C1orf105: variants seen among roughly 807,000 people sequenced by gnomAD.
C1orf105 encodes the protein chromosome 1 open reading frame 105, also known as uncharacterized protein C1orf105.
Under a neutral mutation model 20.8 loss-of-function variants are expected in C1orf105, and 17 were observed. That is an observed-to-expected ratio of 0.82 (90% CI 0.56 to 1.23). The LOEUF is 1.23. C1orf105 is among the 50% of genes most tolerant of loss of function. The pLI, the probability that C1orf105 is intolerant of heterozygous loss-of-function variation, is 0.00. For missense variants in C1orf105, 219 were observed against 213.5 expected (o/e 1.03, Z -0.16); for synonymous variants, 72 against 72.1 (o/e 1.00, Z 0.01).
At chr1:172,433,830 C>T (rs1366830102) in intron 1 of C1orf105, among the ~76,000 whole-genome samples, 1 of 152,106 alleles carries the variant, frequency 6.6e-6, no homozygotes, top group Non-Finnish European at 1.5e-5. Flanking sequence ...AGAGTCAAGA[C>T]CCATCAGTGT....
intron 4 of C1orf105, among the ~76,000 whole-genome samples, chr1:172,456,813 G>A (rs539769726): frequency 6.6e-6 from 1 of 152,214 alleles, no homozygotes; most frequent in East Asian, 1.9e-4. Flanking sequence ...CCTCCTTAAT[G>A]TAGCCCCCAC....
intron 1 of C1orf105, among the ~76,000 whole-genome samples, chr1:172,436,164 C>T (rs1471563843): frequency 2.6e-5 from 4 of 152,152 alleles, no homozygotes; most frequent in African/African-American, 9.7e-5. Context: ...GGCCATACCG[C>T]CCAAGGTAAT....
At chr1:172,444,110 G>A (rs974750313) in intron 1 of C1orf105, 6 of 993,554 alleles carry the variant, frequency 6.0e-6, no homozygotes, top group Non-Finnish European at 7.2e-6. Flanking sequence ...CCTTAGCGAG[G>A]GCACCCTTCC....
At chr1:172,443,961 ACT>A in intron 1 of C1orf105, 1 of 999,900 alleles carries the variant, frequency 1.0e-6, no homozygotes, top group South Asian at 4.7e-5. Flanking sequence ...CCCCGGAAAC[ACT>A]GACCGTTACA....
chr1:172,430,234 A>G, intron 1 of C1orf105: 1 of 673,232 alleles, frequency 1.5e-6, no homozygotes. Flanking sequence ...ACTGAATTTA[A>G]GTGATGAGTA....
intron 1 of C1orf105, among the ~76,000 whole-genome samples, chr1:172,436,944 T>A (rs1375745900): frequency 1.3e-5 from 2 of 152,150 alleles, no homozygotes; most frequent in Non-Finnish European, 2.9e-5. Context: ...AACAGACACT[T>A]CTCAGAAGAA....
chr1:172,427,976 GA>G (rs1171924802), intron 1 of C1orf105, among the ~76,000 whole-genome samples: 1 of 152,026 alleles, frequency 6.6e-6, no homozygotes, highest in Non-Finnish European at 1.5e-5. Flanking sequence ...ATGTCTTCAA[GA>G]CATTTCCTAT....
chr1:172,443,880 G>T, intron 1 of C1orf105: 3 of 850,390 alleles, frequency 3.5e-6, no homozygotes, highest in Non-Finnish European at 2.9e-6. Flanking sequence ...GGCTTTTTGG[G>T]TGGGCCTCCC....
At chr1:172,442,618 T>C (rs1171527495) in intron 1 of C1orf105, 1 of 1,605,844 alleles carries the variant, frequency 6.2e-7, no homozygotes, top group Non-Finnish European at 8.5e-7. Context: ...AGGTTGAGCA[T>C]ACATTATCCT....
chr1:172,444,559 C>G (rs1302773244), intron 1 of C1orf105, among the ~76,000 whole-genome samples: 1 of 152,202 alleles, frequency 6.6e-6, no homozygotes, highest in East Asian at 1.9e-4. Flanking sequence ...CATCTCCCCC[C>G]TCAAAGAGGA....
intron 5 of C1orf105, among the ~76,000 whole-genome samples, chr1:172,464,463 T>C (rs1649900995): frequency 6.6e-6 from 1 of 152,230 alleles, no homozygotes; most frequent in Non-Finnish European, 1.5e-5. Flanking sequence ...TTAAGCAATT[T>C]AAACTAATGT....
At chr1:172,449,800 C>T (rs1012461201) in intron 3 of C1orf105, among the ~76,000 whole-genome samples, 1 of 152,112 alleles carries the variant, frequency 6.6e-6, no homozygotes, top group Admixed American at 6.5e-5. Context: ...GGGGGATGAG[C>T]GGGGAGGCAG....
At chr1:172,427,616 T>C (rs1418660017) in intron 1 of C1orf105, among the ~76,000 whole-genome samples, 1 of 152,210 alleles carries the variant, frequency 6.6e-6, no homozygotes, top group Admixed American at 6.5e-5. Flanking sequence ...TAAAGGTCAA[T>C]TTTCAGCTGT....
At chr1:172,452,343 C>G (rs1435061116) in intron 3 of C1orf105, among the ~76,000 whole-genome samples, 4 of 152,202 alleles carry the variant, frequency 2.6e-5, no homozygotes, top group Non-Finnish European at 2.9e-5. Flanking sequence ...AGTGTCCTAT[C>G]AGGTCTCTCT....
rs61747503 is a variant in C1orf105, at chr1:172,442,315, A to G, written c.22-2758A>G. The G allele has an allele frequency of 5.1e-4, 815 of 1,613,278 alleles. No individual in the cohort carries two copies. The highest frequency in any genetic ancestry group is 6.3e-4 in the Non-Finnish European group (739 of 1,180,034). ...CTTCTTCCGCCCTTCACCTCCATCA[A>G]TGAGATCAAACAAAACATACCCAAT... On this transcript the variant is annotated intron_variant, in intron 1 of 6. Coordinates refer to ENST00000367727, the MANE Select transcript of C1orf105 (RefSeq NM_139240.4).
At chr1:172,441,496 T>C (rs1647304680) in intron 1 of C1orf105, 1 of 388,760 alleles carries the variant, frequency 2.6e-6, no homozygotes, top group Non-Finnish European at 4.6e-6. Context: ...CATCACTTCA[T>C]ATGTTACAGC....
chr1:172,448,301 C>G (rs551778022), intron 2 of C1orf105, 140 bp from the exon 3 acceptor site: 447 of 626,396 alleles, frequency 7.1e-4, no homozygotes, highest in Non-Finnish European at 1.1e-3. Flanking sequence ...TTGGGAGCTC[C>G]CCAATGGCCT....
Position 172,445,073 on chromosome 1 carries a change from G to T in C1orf105, c.22G>T (p.Ala8Ser). MEKRELK[A>S]SVPKFDKIPW... is the part of the protein sequence containing the mutation. Reference sequence around the variant, plus strand: ...TAAAATGTTCTCTATTTCCCTCTAGGCTTCTGTTCCAAAATTTGACAAGAT... The same window carrying T: ...TAAAATGTTCTCTATTTCCCTCTAGTCTTCTGTTCCAAAATTTGACAAGAT... The change falls in exon 2 of 7, where the codon GCT (alanine) becomes TCT (serine). Residue 8 changes from alanine to serine, a missense_variant and splice_region_variant. Physicochemically the swap from Ala to Ser is moderately conservative, Grantham distance 99. Transcript: ENST00000367727. 1 of 1,611,220 alleles carries T rather than the reference G, an allele frequency of 6.2e-7. No individual in the cohort carries two copies. Among genetic ancestry groups the T allele is most frequent in the Non-Finnish European group, 8.5e-7 (1 of 1,178,114 alleles).
At chr1:172,450,840 G>A (rs1338212165) in intron 3 of C1orf105, among the ~76,000 whole-genome samples, 2 of 152,210 alleles carry the variant, frequency 1.3e-5, no homozygotes, top group East Asian at 3.8e-4. Flanking sequence ...CAGAAAGCAA[G>A]ATAGAAACAC....
Sources: gnomAD v4.1 joint callset for allele counts (sites outside exome capture counted in the v4.1 genomes callset) on GRCh38, gnomAD v4.1.1 for gene constraint, MANE v1.5 for transcripts, NCBI Gene and HGNC (gene_info 2026-07-23, HGNC 2026-07-21) for gene names.